The following ZNF709 variants were observed in gnomAD, a reference collection of about 807,000 sequenced individuals.
The protein encoded by ZNF709 is zinc finger protein 709.
ZNF709 carries 15 observed loss-of-function variants against 10.6 expected under a neutral mutation model. That is an observed-to-expected ratio of 1.41 (90% confidence interval 0.95 to 2.18). The LOEUF is 2.18. ZNF709 is among the 30% of genes most tolerant of loss of function. The pLI is 0.00. For synonymous variants in ZNF709, 194 were observed against 238.8 expected (o/e 0.81, Z 1.73); for missense variants, 589 against 774.0 (o/e 0.76, Z 2.84).
At position 12,462,971 on chromosome 19, in the gene ZNF709, C is replaced by T. The variant is rs990371587; in HGVS notation, c.*1025G>A. The T allele has an allele frequency of 2.0e-5, 3 of 152,114 alleles. No individual in the cohort carries two copies. Among genetic ancestry groups the T allele is most frequent in the African/African-American group, 7.2e-5 (3 of 41,426 alleles). The allele number at this position is 152,114 out of a possible 1,614,324, so 9.4% of individuals were successfully genotyped here. A position where few individuals can be genotyped will look rare whatever the true frequency, so the allele number is the denominator to read the frequency against. ...GTTCTTTTGTGAAAGTAATAGAAAT[C>T]CATAATTCAGAGATCCATTTTAAGA... is the stretch of plus-strand genomic sequence containing the variant. On this transcript the variant is annotated 3_prime_UTR_variant, in exon 4 of 4. Coordinates refer to ENST00000397732, the MANE Select transcript of ZNF709 (RefSeq NM_152601.4).
chr19:12,464,090 G>A lies in ZNF709; in HGVS notation c.1832C>T (p.Thr611Ile), dbSNP rs2144984050. 1.3e-6 allele frequency: 2 copies of A among 1,561,956 alleles called. No homozygotes were observed. The highest frequency in any genetic ancestry group is 1.7e-6 in the Non-Finnish European group (2 of 1,159,182). Residue 611 changes from threonine (T) to isoleucine (I), a missense_variant, in exon 4 of 4, where the codon ACT becomes ATT. By Grantham distance (89) the Thr-to-Ile change is moderately conservative. This residue lies in a region of ZNF709 where 171 missense variants were observed against 277.7 expected (regional missense o/e 0.62). Coordinates refer to ENST00000397732, the MANE Select transcript of ZNF709 (RefSeq NM_152601.4). Reference protein sequence around the residue: ...RSFRIHERTHTGEKPYACQQC... With the variant: ...RSFRIHERTHIGEKPYACQQC... ...TTGACATGCATAGGGTTTCTCTCCAGTGTGAGTTCGTTCATGGATTCGAAA... is the reference window on the plus strand; with the variant it reads ...TTGACATGCATAGGGTTTCTCTCCAATGTGAGTTCGTTCATGGATTCGAAA...
rs1409522766 is a variant in ZNF709 at position 12,464,008 on chromosome 19, A to G, written c.1914T>C (p.His638=). 2.0e-6 allele frequency: 3 copies of G among 1,489,698 alleles called. No homozygotes were observed. Among genetic ancestry groups the G allele is most frequent in the Non-Finnish European group, 2.7e-6 (3 of 1,121,712 alleles). The allele number at this position is 1,489,698 out of a possible 1,614,324, so 92.3% of individuals were successfully genotyped here. ...SRSFRIHERV[H]SGE is the part of the protein sequence containing the mutation. Reference sequence around the variant, plus strand: ...TATATACATAGGGTTACTCTCCACTATGAACTCTTTCATGTATTCGAAAGG... The same window carrying G: ...TATATACATAGGGTTACTCTCCACTGTGAACTCTTTCATGTATTCGAAAGG... The change falls in exon 4 of 4, where the codon CAT becomes CAC. Residue 638 remains histidine (H), a synonymous_variant. Transcript: ENST00000397732.
In ZNF709 at chr19:12,466,783, G is replaced by C. The variant is rs1363601768; in HGVS notation, c.71C>G (p.Ser24Cys). ...CACATCTCTGTAGAGTTTCTTCTGA[G>C]AGGGACCCAGCAAAGCCCACTCCTC... ...TQEEWALLGPSQKKLYRDVMQ... is the reference protein window; with the variant it reads ...TQEEWALLGPCQKKLYRDVMQ... Residue 24 changes from serine (S) to cysteine (C), a missense_variant, in exon 2 of 4, where the codon TCT becomes TGT. Ser to Cys is a moderately radical substitution (Grantham distance 112). Transcript: ENST00000397732. The C allele has an allele frequency of 1.2e-6, 2 of 1,614,034 alleles. No homozygotes were observed. Among genetic ancestry groups the C allele is most frequent in the Non-Finnish European group, 1.7e-6 (2 of 1,179,968 alleles).
rs767701173 is a variant in ZNF709 at position 12,465,370 on chromosome 19, T to C, written c.552A>G (p.Gln184=). 1.9e-6 allele frequency: 3 copies of C among 1,613,638 alleles called. No individual in the cohort carries two copies. The highest frequency in any genetic ancestry group is 2.5e-6 in the Non-Finnish European group (3 of 1,179,904). Residue 184 remains glutamine (Q), a synonymous_variant, in exon 4 of 4, where the codon CAA becomes CAG. Coordinates refer to ENST00000397732, the MANE Select transcript of ZNF709 (RefSeq NM_152601.4). ...CTCCAGTATGAGTTCTTTCATGTATTTGAAAGGAACTGGGCCAACTGAAAG... is the reference window on the plus strand; with the variant it reads ...CTCCAGTATGAGTTCTTTCATGTATCTGAAAGGAACTGGGCCAACTGAAAG... The part of the protein sequence containing the change: ...GKAFSWPSSF[Q]IHERTHTGEK...
At chr19:12,479,424 AT>A (rs904295426) in intron 1 of ZNF709, among the ~76,000 whole-genome samples, 12 of 152,126 alleles carry the variant, frequency 7.9e-5, no homozygotes, top group African/African-American at 2.9e-4. Context: ...ACTATTGTGG[AT>A]TTTTTTCTAA....
chr19:12,466,730 A>G lies in ZNF709; in HGVS notation c.124T>C (p.Ser42Pro). 1.2e-6 allele frequency: 2 copies of G among 1,614,054 alleles called. No homozygotes were observed. The highest frequency in any genetic ancestry group is 1.7e-6 in the Non-Finnish European group (2 of 1,179,988). The change falls in exon 2 of 4, where the codon TCT becomes CCT. Residue 42 changes from serine to proline, a missense_variant. By Grantham distance (74) the Ser-to-Pro change is moderately conservative. Coordinates refer to ENST00000397732, the MANE Select transcript of ZNF709 (RefSeq NM_152601.4). ...GGAATAATTTCATTCTTACCTATAG[A>G]GGCCAAGTTAACAAAGGTTTCTTGC... Reference protein sequence around the residue: ...VMQETFVNLASIGENWEEKNI... With the variant: ...VMQETFVNLAPIGENWEEKNI...
intron 1 of ZNF709, among the ~76,000 whole-genome samples, chr19:12,469,160 G>C (rs1970612617): frequency 6.6e-6 from 1 of 152,008 alleles, no homozygotes; most frequent in East Asian, 1.9e-4. Context: ...TAATGAATAA[G>C]TATATACTGA....
intron 3 of ZNF709, 81 bp from the exon 4 acceptor site, chr19:12,465,814 A>G (rs2144987481): frequency 8.8e-7 from 1 of 1,141,556 alleles, no homozygotes; most frequent in East Asian, 2.8e-5. Flanking sequence ...TTATTTCACA[A>G]TCATTAGTAG....
chr19:12,467,139 C>CCCACGGTCTCCCTCTCCCTCTCTTT (rs1181721078), intron 1 of ZNF709, among the ~76,000 whole-genome samples: 2 of 152,170 alleles, frequency 1.3e-5, no homozygotes, highest in Admixed American at 6.5e-5. Context: ...TCTCCCTCTC[C>CCCACGGTCTCCCTCTCCCTCTCTTT]CCACGGTCTC....
chr19:12,465,032 C>G lies in ZNF709; in HGVS notation c.890G>C (p.Ser297Thr). ...KALSCPTSFRSHERIHTGEKP... is the reference protein window; with the variant it reads ...KALSCPTSFRTHERIHTGEKP... ...TTCTCCAGTGTGAATCCTTTCATGA[C>G]TTCGAAAGGATGTGGGACAACTAAG... The change falls in exon 4 of 4, where the codon AGT becomes ACT. Residue 297 changes from serine to threonine, a missense_variant. By Grantham distance (58) the Ser-to-Thr change is moderately conservative. Coordinates refer to ENST00000397732, the MANE Select transcript of ZNF709 (RefSeq NM_152601.4). The G allele has an allele frequency of 6.2e-7, 1 of 1,611,936 alleles. No homozygotes were observed. Among genetic ancestry groups the G allele is most frequent in the Non-Finnish European group, 8.5e-7 (1 of 1,179,324 alleles).
At chr19:12,477,816 T>C (rs550184368) in intron 1 of ZNF709, among the ~76,000 whole-genome samples, 1 of 152,108 alleles carries the variant, frequency 6.6e-6, no homozygotes, top group Non-Finnish European at 1.5e-5. Context: ...CTTCCTAACA[T>C]GTTTGTTTTG....
intron 1 of ZNF709, among the ~76,000 whole-genome samples, chr19:12,467,394 C>T (rs1395441378): frequency 1.3e-5 from 2 of 152,244 alleles, no homozygotes; most frequent in Non-Finnish European, 2.9e-5. Flanking sequence ...CTGCCAGCCT[C>T]GGCCTCCCGA....
Position 12,468,604 on chromosome 19 carries a change from A to G in ZNF709, c.4-1754T>C, listed in dbSNP as rs368981155. On this transcript the variant is annotated intron_variant, in intron 1 of 3. Coordinates refer to ENST00000397732, the MANE Select transcript of ZNF709 (RefSeq NM_152601.4). ...CTAGGAAAACCAGAGACCTTTGTTC[A>G]CTTGTTTATCTGCTGACCTTCCCTC... Among the ~76,000 whole-genome samples the G allele has an allele frequency of 1.3e-3, 194 of 147,952 alleles. 1 individual carries two copies. Among genetic ancestry groups the G allele is most frequent in the African/African-American group, 4.7e-3 (186 of 39,958 alleles).
chr19:12,479,697 C>T (rs993087307), intron 1 of ZNF709, among the ~76,000 whole-genome samples: 16 of 152,064 alleles, frequency 1.1e-4, no homozygotes, highest in African/African-American at 3.9e-4. Context: ...GGTGAAACCT[C>T]GTCTCTACTA....
In ZNF709 at chr19:12,462,293, C is replaced by T. The variant is rs1473823257; in HGVS notation, c.*1703G>A. The T allele has an allele frequency of 6.6e-6, 1 of 152,220 alleles. No homozygotes were observed. Among genetic ancestry groups the T allele is most frequent in the Non-Finnish European group, 1.5e-5 (1 of 68,054 alleles). 9.4% of individuals were successfully genotyped at this position (152,220 alleles called of 1,614,324 possible). A position where few individuals can be genotyped will look rare whatever the true frequency, so the allele number is the denominator to read the frequency against. ...TATAAAACCTGACTAATGCTTTCTTCACTTCTGCCTTCCATATCTCCTGCA... is the reference window on the plus strand; with the variant it reads ...TATAAAACCTGACTAATGCTTTCTTTACTTCTGCCTTCCATATCTCCTGCA... On this transcript the variant is annotated 3_prime_UTR_variant, in exon 4 of 4. Coordinates refer to ENST00000397732, the MANE Select transcript of ZNF709 (RefSeq NM_152601.4).
At chr19:12,473,307 A>G (rs1373131526) in intron 1 of ZNF709, among the ~76,000 whole-genome samples, 2 of 152,238 alleles carry the variant, frequency 1.3e-5, no homozygotes, top group African/African-American at 2.4e-5. Context: ...CACAGAGGCA[A>G]AACCACTCAA....
In ZNF709 at chr19:12,484,751, G is replaced by T. The variant is rs1194389102; in HGVS notation, c.-94C>A. 2 of 1,567,028 alleles carry T rather than the reference G, an allele frequency of 1.3e-6. No individual in the cohort carries two copies. Among genetic ancestry groups the T allele is most frequent in the South Asian group, 1.1e-5 (1 of 89,784 alleles). On this transcript the variant is annotated 5_prime_UTR_variant, in exon 1 of 4. Transcript: ENST00000397732. ...CCTGAGGCCCTTCCTCCACCTGAGG[G>T]CCTTCTGGGGTGAGGAGACCCCAGA...
At position 12,464,381 on chromosome 19, in the gene ZNF709, C is replaced by T; in HGVS notation, c.1541G>A (p.Ser514Asn). The change falls in exon 4 of 4, where the codon AGT becomes AAT. Residue 514 changes from serine to asparagine, a missense_variant. Physicochemically the swap from Ser to Asn is conservative, Grantham distance 46. Around this residue, in one of 2 missense-constraint regions of ZNF709, gnomAD observed 171 missense variants for 277.7 expected, o/e 0.62. Transcript: ENST00000397732. ...ATGCATTCGAAAGGAACTGGAACAACTGAAGGCTTTACCACATTGTTTACA... is the reference window on the plus strand; with the variant it reads ...ATGCATTCGAAAGGAACTGGAACAATTGAAGGCTTTACCACATTGTTTACA... ...YECKQCGKAF[S>N]CSSSFRMHER... is the part of the protein sequence containing the mutation. 6.2e-7 allele frequency: 1 copy of T among 1,613,162 alleles called. No individual in the cohort carries two copies. Among genetic ancestry groups the T allele is most frequent in the Non-Finnish European group, 8.5e-7 (1 of 1,179,612 alleles).
intron 1 of ZNF709, among the ~76,000 whole-genome samples, chr19:12,467,481 C>T (rs534871102): frequency 3.3e-5 from 5 of 152,324 alleles, no homozygotes; most frequent in Admixed American, 6.5e-5. Context: ...GGCGTGATCT[C>T]GGCTCGCTAC....
Sources: allele counts gnomAD v4.1 joint callset (sites outside exome capture counted in the v4.1 genomes callset), GRCh38; gene constraint gnomAD v4.1.1; regional missense constraint gnomAD v4.1.1; transcripts MANE v1.5; gene names NCBI Gene and HGNC (gene_info 2026-07-23, HGNC 2026-07-21).